PDE4B: variants seen among roughly 807,000 people sequenced by gnomAD.
PDE4B encodes the protein phosphodiesterase 4B, also known as 3',5'-cyclic-AMP phosphodiesterase 4B.
PDE4B carries 20 observed loss-of-function variants against 82.2 expected under a neutral mutation model. The ratio of observed to expected loss-of-function variants is 0.24; its 90% CI spans 0.17 to 0.35. The LOEUF is 0.35. Among genes scored for constraint, PDE4B ranks in the 10% least tolerant of loss-of-function variants. PDE4B has a pLI of 1.00. For missense variants in PDE4B, 655 were observed against 907.2 expected (o/e 0.72, Z 3.57); for synonymous variants, 320 against 318.9 (o/e 1.00, Z -0.04).
chr1:66,093,195 C>T (rs1463136923), intron 3 of PDE4B, among the ~76,000 whole-genome samples: 2 of 151,942 alleles, frequency 1.3e-5, no homozygotes, highest in African/African-American at 2.4e-5. Context: ...GTCAATTATC[C>T]AGGCAGGAAG....
intron 1 of PDE4B, among the ~76,000 whole-genome samples, chr1:65,896,104 G>A (rs1216710174): frequency 6.6e-6 from 1 of 151,970 alleles, no homozygotes; most frequent in African/African-American, 2.4e-5. Context: ...ATGCATGTGT[G>A]TGTGTGTATG....
intron 3 of PDE4B, among the ~76,000 whole-genome samples, chr1:65,972,884 T>C (rs1042072628): frequency 1.3e-5 from 2 of 152,200 alleles, no homozygotes; most frequent in South Asian, 2.1e-4. Flanking sequence ...GAATGCTACA[T>C]TGGGCCATGC....
chr1:66,205,415 T>C (rs1384367245), intron 3 of PDE4B, among the ~76,000 whole-genome samples: 1 of 152,252 alleles, frequency 6.6e-6, no homozygotes, highest in Admixed American at 6.5e-5. Flanking sequence ...TTTGAGCTTA[T>C]GTATTCTTTA....
At chr1:66,014,070 G>A (rs912914932) in intron 3 of PDE4B, among the ~76,000 whole-genome samples, 4 of 39,132 alleles carry the variant, frequency 1.0e-4, no homozygotes, top group African/African-American at 3.2e-4. Flanking sequence ...AGCTTTTCAC[G>A]TGATTATTGG....
At chr1:65,898,340 C>T (rs1646933443) in intron 1 of PDE4B, among the ~76,000 whole-genome samples, 1 of 151,998 alleles carries the variant, frequency 6.6e-6, no homozygotes, top group African/African-American at 2.4e-5. Context: ...TTGATTAGGT[C>T]ACACTTGTCA....
chr1:65,984,873 AGT>A (rs1296750004), intron 3 of PDE4B, among the ~76,000 whole-genome samples: 2 of 152,172 alleles, frequency 1.3e-5, no homozygotes, highest in African/African-American at 2.4e-5. Flanking sequence ...GTAATATTGC[AGT>A]GTTTTGATTA....
intron 3 of PDE4B, among the ~76,000 whole-genome samples, chr1:66,143,430 G>A (rs563791008): frequency 1.3e-5 from 2 of 152,290 alleles, no homozygotes; most frequent in South Asian, 2.1e-4. Flanking sequence ...ATCTGAGCAC[G>A]GTTGAAGTAA....
At chr1:65,986,913 A>C (rs1650984773) in intron 3 of PDE4B, among the ~76,000 whole-genome samples, 1 of 152,202 alleles carries the variant, frequency 6.6e-6, no homozygotes, top group South Asian at 2.1e-4. Context: ...ATATTTGGGC[A>C]GATGCTGAAG....
intron 3 of PDE4B, among the ~76,000 whole-genome samples, chr1:66,019,926 A>C (rs1652994748): frequency 6.6e-6 from 1 of 152,204 alleles, no homozygotes; most frequent in South Asian, 2.1e-4. Flanking sequence ...ACATCATTCA[A>C]GCCTCAGGCT....
At chr1:66,139,608 A>C (rs889769192) in intron 3 of PDE4B, among the ~76,000 whole-genome samples, 1 of 152,064 alleles carries the variant, frequency 6.6e-6, no homozygotes, top group Non-Finnish European at 1.5e-5. Context: ...TTAATGTAAC[A>C]TATCTATGAA....
At chr1:65,811,299 T>A (rs1158559563) in intron 1 of PDE4B, among the ~76,000 whole-genome samples, 4 of 152,238 alleles carry the variant, frequency 2.6e-5, no homozygotes, top group Non-Finnish European at 1.5e-5. Flanking sequence ...GACTTTGGAC[T>A]AATTTTTGTT....
intron 3 of PDE4B, among the ~76,000 whole-genome samples, chr1:66,160,435 C>T (rs1646588035): frequency 6.6e-6 from 1 of 152,176 alleles, no homozygotes; most frequent in Non-Finnish European, 1.5e-5. Flanking sequence ...TCTATGGATG[C>T]AACCCCCAAC....
intron 1 of PDE4B, among the ~76,000 whole-genome samples, chr1:65,793,940 G>C (rs1011968990): frequency 2.0e-5 from 3 of 152,090 alleles, no homozygotes; most frequent in Non-Finnish European, 2.9e-5. Context: ...CACCTTCCTT[G>C]TGCGGTACTT....
intron 7 of PDE4B, among the ~76,000 whole-genome samples, chr1:66,276,459 C>T (rs2101765053): frequency 6.6e-6 from 1 of 152,182 alleles, no homozygotes; most frequent in East Asian, 1.9e-4. Flanking sequence ...TATAGCTTAT[C>T]AAGAAGGGGA....
intron 3 of PDE4B, among the ~76,000 whole-genome samples, chr1:65,977,211 C>T (rs908885621): frequency 6.6e-6 from 1 of 152,136 alleles, no homozygotes; most frequent in African/African-American, 2.4e-5. Context: ...TCAGATTCAC[C>T]TGAAGACTTG....
intron 7 of PDE4B, among the ~76,000 whole-genome samples, chr1:66,308,658 T>C (rs1458526223): frequency 6.6e-6 from 1 of 152,208 alleles, no homozygotes; most frequent in East Asian, 1.9e-4. Context: ...CTTATGAGAT[T>C]CATTCCTGTT....
intron 1 of PDE4B, among the ~76,000 whole-genome samples, chr1:65,903,419 G>GCACACA (rs10580572): frequency 6.7e-6 from 1 of 148,498 alleles, no homozygotes; most frequent in African/African-American, 2.5e-5. Context: ...ACACACACAT[G>GCACACA]CACACACACA....
chr1:65,983,589 A>G (rs1486827557), intron 3 of PDE4B, among the ~76,000 whole-genome samples: 1 of 152,232 alleles, frequency 6.6e-6, no homozygotes, highest in African/African-American at 2.4e-5. Context: ...ACATTGAGAC[A>G]GCATAAAGGG....
intron 3 of PDE4B, among the ~76,000 whole-genome samples, chr1:65,973,015 A>T (rs1280751409): frequency 6.6e-6 from 1 of 152,178 alleles, no homozygotes; most frequent in Non-Finnish European, 1.5e-5. Flanking sequence ...TGTTGGCTGC[A>T]AATCTATCCA....
Sources: allele counts gnomAD v4.1 joint callset (sites outside exome capture counted in the v4.1 genomes callset), GRCh38; gene constraint gnomAD v4.1.1; transcripts MANE v1.5; gene names NCBI Gene and HGNC (gene_info 2026-07-23, HGNC 2026-07-21).